NRDC: variants seen among roughly 807,000 people sequenced by gnomAD.
NRDC encodes nardilysin.
Under a neutral mutation model 147.1 loss-of-function variants are expected in NRDC, and 54 were observed. The ratio of observed to expected loss-of-function variants is 0.37; its 90% confidence interval spans 0.29 to 0.46. The LOEUF (loss-of-function observed/expected upper bound fraction) is 0.46. Ranked by LOEUF, NRDC falls within the 20% of genes least tolerant of loss-of-function variation. NRDC has a pLI of 1.00. For missense variants in NRDC, 1,082 were observed against 1,370.6 expected, an observed-to-expected ratio of 0.79 and a Z score of 3.33; for synonymous variants, 440 against 482.1, an observed-to-expected ratio of 0.91 and a Z score of 1.14.
chr1:51,842,712 A>G (rs1056863758), intron 1 of NRDC, among the ~76,000 whole-genome samples: 1 of 152,224 alleles, frequency 6.6e-6, no homozygotes, highest in African/African-American at 2.4e-5. Context: ...AGTAAACAGT[A>G]TATTATTTAG....
intron 2 of NRDC, among the ~76,000 whole-genome samples, chr1:51,838,073 A>G (rs775631540): frequency 6.6e-6 from 1 of 152,170 alleles, no homozygotes; most frequent in African/African-American, 2.4e-5. Context: ...CGATCGTGGG[A>G]TCTTTCCTTT....
chr1:51,859,644 T>G (rs1432885661), intron 1 of NRDC: 1 of 152,264 alleles, frequency 6.6e-6, no homozygotes, highest in Non-Finnish European at 1.5e-5. Context: ...CATACCCATC[T>G]TGGGTGCCAT....
chr1:51,806,732 A>G, intron 18 of NRDC, 62 bp downstream of exon 18: 1 of 1,510,522 alleles, frequency 6.6e-7, no homozygotes. Context: ...CACATGTGAA[A>G]CAGAGCATCT....
At chr1:51,839,985 T>C (rs1397033101) in intron 2 of NRDC, 2 of 352,076 alleles carry the variant, frequency 5.7e-6, no homozygotes, top group Non-Finnish European at 1.0e-5. Context: ...CTGAGAGATA[T>C]AGCTATGGGT....
At chr1:51,855,608 A>G (rs985853242) in intron 1 of NRDC, among the ~76,000 whole-genome samples, 7 of 152,184 alleles carry the variant, frequency 4.6e-5, no homozygotes, top group Non-Finnish European at 1.0e-4. Flanking sequence ...AACATGTAAG[A>G]GTTCCTTCAA....
intron 22 of NRDC, among the ~76,000 whole-genome samples, chr1:51,797,707 C>T (rs556338117): frequency 2.2e-4 from 34 of 152,304 alleles, no homozygotes; most frequent in Non-Finnish European, 2.4e-4. Flanking sequence ...AGTATAGATA[C>T]GCCAAACCCA....
intron 1 of NRDC, among the ~76,000 whole-genome samples, chr1:51,868,904 A>T (rs567347426): frequency 2.2e-4 from 34 of 152,282 alleles, no homozygotes; most frequent in Admixed American, 1.8e-3. Context: ...ATTATTTAAA[A>T]TGTTACCAGT....
chr1:51,830,763 A>T (rs1468745635), intron 4 of NRDC, among the ~76,000 whole-genome samples: 1 of 152,246 alleles, frequency 6.6e-6, no homozygotes, highest in Non-Finnish European at 1.5e-5. Context: ...TGAAAATAGA[A>T]GACGCCACCA....
intron 1 of NRDC, among the ~76,000 whole-genome samples, chr1:51,862,864 G>C (rs1403691454): frequency 6.6e-6 from 1 of 151,522 alleles, no homozygotes; most frequent in African/African-American, 2.4e-5. Context: ...ACAAAAATTA[G>C]CCAGGTGTGG....
At chr1:51,872,966 T>C (rs997749971) in intron 1 of NRDC, among the ~76,000 whole-genome samples, 2 of 149,828 alleles carry the variant, frequency 1.3e-5, no homozygotes, top group Non-Finnish European at 2.9e-5. Flanking sequence ...TCTCATGGAA[T>C]TTACACACAT....
intron 1 of NRDC, among the ~76,000 whole-genome samples, chr1:51,870,936 C>G (rs1683055725): frequency 6.6e-6 from 1 of 151,984 alleles, no homozygotes; most frequent in African/African-American, 2.4e-5. Context: ...AAAACTCTCT[C>G]TTGCTACAAT....
intron 29 of NRDC, 31 bp from the exon 30 acceptor site, chr1:51,789,688 T>G (rs971385569): frequency 1.3e-6 from 2 of 1,501,020 alleles, no homozygotes; most frequent in African/African-American, 2.8e-5. Context: ...AGGAAAGAAA[T>G]TCAAGAAGAA....
At position 51,863,847 on chromosome 1, in the gene NRDC, T is replaced by C. The variant is rs146740883; in HGVS notation, c.341+14428A>G. 4.6e-5 allele frequency among the ~76,000 whole-genome samples: 7 copies of C among 152,366 alleles called. No individual in the cohort carries two copies. In the East Asian group the frequency reaches 1.2e-3, roughly 25 times the overall value. On this transcript the variant is annotated intron_variant, in intron 1 of 30. Transcript: ENST00000352171. ...CTCAATTAAAGTCATATACAGATGC[T>C]CCTCGACTTACAACAGGGTTAGGTC...
At chr1:51,831,481 G>T (rs1680705236) in intron 4 of NRDC, among the ~76,000 whole-genome samples, 1 of 152,056 alleles carries the variant, frequency 6.6e-6, no homozygotes, top group Admixed American at 6.5e-5. Context: ...CTTCAAAGTT[G>T]TATGGTTAAA....
intron 1 of NRDC, among the ~76,000 whole-genome samples, chr1:51,874,833 G>T (rs7519230): frequency 0.033 from 5,062 of 152,076 alleles, 204 homozygotes; most frequent in South Asian, 0.095. Context: ...TCAAAAAAGC[G>T]GAATACAAAT....
intron 22 of NRDC, chr1:51,795,420 GC>G (rs766369453): frequency 3.2e-5 from 8 of 248,042 alleles, no homozygotes; most frequent in Non-Finnish European, 5.7e-5. Flanking sequence ...AAAACAGGCA[GC>G]CTATTTCTTC....
chr1:51,828,797 C>A (rs747093191), intron 4 of NRDC, among the ~76,000 whole-genome samples: 2 of 149,502 alleles, frequency 1.3e-5, no homozygotes, highest in South Asian at 2.1e-4. Flanking sequence ...CTGCTCACTG[C>A]GGCCTCAAAC....
At chr1:51,833,884 G>T in intron 4 of NRDC, 133 bp downstream of exon 4, 1 of 762,936 alleles carries the variant, frequency 1.3e-6, no homozygotes, top group Non-Finnish European at 2.0e-6. Context: ...CAAAGTACTT[G>T]AGTTACAGGC....
intron 27 of NRDC, among the ~76,000 whole-genome samples, chr1:51,791,249 A>G (rs527928445): frequency 6.6e-6 from 1 of 152,234 alleles, no homozygotes; most frequent in African/African-American, 2.4e-5. Context: ...ATGTATGACC[A>G]TTCCAAAGCT....
Sources: allele counts gnomAD v4.1 joint callset (sites outside exome capture counted in the v4.1 genomes callset), GRCh38; gene constraint gnomAD v4.1.1; transcripts MANE v1.5; gene names NCBI Gene and HGNC (gene_info 2026-07-23, HGNC 2026-07-21).